The following NAA38 variants were observed in gnomAD, a reference collection of about 807,000 sequenced individuals.
NAA38 encodes N-alpha-acetyltransferase 38, NatC auxiliary subunit, also known as LSM domain containing 1.
Under a neutral mutation model 12.6 loss-of-function variants are expected in NAA38, and 15 were observed. The ratio of observed to expected loss-of-function variants is 1.19; its 90% CI spans 0.79 to 1.83. The LOEUF (loss-of-function observed/expected upper bound fraction) is 1.83, where lower values mean the gene tolerates loss of function less well. Among genes scored for constraint, NAA38 ranks in the 40% most tolerant of loss-of-function variants. NAA38 has a pLI of 0.00. For missense variants in NAA38, 183 were observed against 171.7 expected (o/e 1.07, Z -0.37); for synonymous variants, 88 against 69.9 (o/e 1.26, Z -1.29).
At chr17:7,876,121 A>G (rs1597882694) in intron 2 of NAA38, among the ~76,000 whole-genome samples, 1 of 152,172 alleles carries the variant, frequency 6.6e-6, no homozygotes, top group Non-Finnish European at 1.5e-5. Context: ...ATGTGTGGAC[A>G]TATGATTCAA....
At chr17:7,874,364 G>A (rs988299524) in intron 2 of NAA38, among the ~76,000 whole-genome samples, 1 of 152,062 alleles carries the variant, frequency 6.6e-6, no homozygotes, top group East Asian at 1.9e-4. Context: ...GGGGATCAAG[G>A]GACCAAAAAG....
chr17:7,872,441 C>T (rs908204742), intron 2 of NAA38, among the ~76,000 whole-genome samples: 1 of 152,246 alleles, frequency 6.6e-6, no homozygotes, highest in Admixed American at 6.5e-5. Context: ...ACAATCTTGG[C>T]TCACTGCAAC....
chr17:7,875,910 C>T (rs1167488632), intron 2 of NAA38, among the ~76,000 whole-genome samples: 1 of 152,222 alleles, frequency 6.6e-6, no homozygotes, highest in Non-Finnish European at 1.5e-5. Flanking sequence ...CCTTTTATGT[C>T]TAACTTCTCT....
upstream of NAA38, chr17:7,859,093 C>G: frequency 1.7e-6 from 1 of 571,852 alleles, no homozygotes; most frequent in Non-Finnish European, 3.1e-6. Flanking sequence ...GAAGCTCTTA[C>G]ACGCCGTTTT....
chr17:7,866,644 GC>G, intron 2 of NAA38: 1 of 610,034 alleles, frequency 1.6e-6, no homozygotes, highest in Non-Finnish European at 2.4e-6. Context: ...TCTTCAGTTG[GC>G]CACCTGGCTC....
upstream of NAA38, chr17:7,859,645 C>T (rs764272834): frequency 1.2e-5 from 20 of 1,601,042 alleles, no homozygotes; most frequent in Admixed American, 3.3e-5. Flanking sequence ...AGACTCAAGA[C>T]GTATTTCGAG....
intron 2 of NAA38, among the ~76,000 whole-genome samples, chr17:7,871,066 G>C (rs973143396): frequency 6.6e-6 from 1 of 151,940 alleles, no homozygotes; most frequent in East Asian, 1.9e-4. Context: ...CCATCATATC[G>C]AGCTAAGCAC....
upstream of NAA38, chr17:7,858,566 T>C: frequency 6.2e-7 from 1 of 1,610,542 alleles, no homozygotes; most frequent in Non-Finnish European, 8.5e-7. Flanking sequence ...CAGAGCCTAA[T>C]GGCTGCTCTG....
At chr17:7,859,051 C>A, upstream of NAA38, 2 of 567,292 alleles carry the variant, frequency 3.5e-6, no homozygotes, top group Non-Finnish European at 6.2e-6. Flanking sequence ...CTGGGAACAG[C>A]AGTTCATGTA....
At chr17:7,858,734 G>GGGGTCGTATTATGAGGTGGGGC, upstream of NAA38, 1 of 1,606,692 alleles carries the variant, frequency 6.2e-7, no homozygotes, top group Non-Finnish European at 8.5e-7. Flanking sequence ...CCTGGTGGCA[G>GGGGTCGTATTATGAGGTGGGGC]GGGTCGTATT....
upstream of NAA38, chr17:7,859,647 T>TA (rs769061560): frequency 1.2e-6 from 2 of 1,601,784 alleles, no homozygotes; most frequent in East Asian, 4.5e-5. Flanking sequence ...ACTCAAGACG[T>TA]ATTTCGAGTT....
upstream of NAA38, chr17:7,858,919 T>G (rs2078859766): frequency 8.6e-7 from 1 of 1,165,352 alleles, no homozygotes. Context: ...CCATAACCGG[T>G]GGGAGTGTAT....
chr17:7,862,268 T>C (rs759222194), upstream of NAA38: 3 of 152,188 alleles, frequency 2.0e-5, no homozygotes, highest in East Asian at 1.9e-4. Flanking sequence ...TCAATAAATT[T>C]TGAATGAACT....
At chr17:7,859,855 G>C (rs1346013667), upstream of NAA38, 4 of 513,468 alleles carry the variant, frequency 7.8e-6, no homozygotes, top group Non-Finnish European at 1.4e-5. Context: ...CCTTGGTTTA[G>C]GGAGATGTAG....
At chr17:7,869,862 G>A (rs1019554172) in intron 2 of NAA38, among the ~76,000 whole-genome samples, 1 of 152,184 alleles carries the variant, frequency 6.6e-6, no homozygotes, top group Non-Finnish European at 1.5e-5. Flanking sequence ...GGAAGCCAGT[G>A]TGGGTTAGCA....
At chr17:7,857,731 T>A (rs1008542561), upstream of NAA38, 6 of 1,282,170 alleles carry the variant, frequency 4.7e-6, no homozygotes, top group Admixed American at 1.1e-4. Context: ...AACTGGAATT[T>A]AGCGAGAATA....
At chr17:7,879,479 A>G (rs915724261) in intron 2 of NAA38, among the ~76,000 whole-genome samples, 9 of 151,990 alleles carry the variant, frequency 5.9e-5, no homozygotes, top group Non-Finnish European at 1.3e-4. Context: ...CTAACTTTCT[A>G]CGATCCTAAA....
upstream of NAA38, chr17:7,858,301 G>C: frequency 6.2e-7 from 1 of 1,613,982 alleles, no homozygotes; most frequent in Middle Eastern, 1.6e-4. Context: ...AAGGGTAAGG[G>C]CCACACGTTG....
upstream of NAA38, chr17:7,862,179 T>C (rs1009780574): frequency 2.0e-5 from 3 of 152,230 alleles, no homozygotes; most frequent in African/African-American, 7.2e-5. Context: ...CGCTGCTAGA[T>C]TGTAAGCTCA....
Sources: gnomAD v4.1 joint callset for allele counts (sites outside exome capture counted in the v4.1 genomes callset) on GRCh38, gnomAD v4.1.1 for gene constraint, MANE v1.5 for transcripts, NCBI Gene and HGNC (gene_info 2026-07-23, HGNC 2026-07-21) for gene names.